The following ZSCAN32 variants were observed in gnomAD, a reference collection of about 807,000 sequenced individuals.
ZSCAN32 encodes zinc finger and SCAN domain-containing protein 32.
Under a neutral mutation model 47.4 loss-of-function variants are expected in ZSCAN32, and 52 were observed. That is an observed-to-expected ratio of 1.10 (90% CI 0.88 to 1.38). The LOEUF (loss-of-function observed/expected upper bound fraction) is 1.38. Among genes scored for constraint, ZSCAN32 ranks in the 40% most tolerant of loss-of-function variants. The probability of loss-of-function intolerance (pLI) is 0.00; values close to 1 mark genes in which losing one functional copy is unlikely to be tolerated. For missense variants in ZSCAN32, 959 were observed against 846.0 expected, an observed-to-expected ratio of 1.13 and a Z score of -1.66; for synonymous variants, 346 against 305.7, an observed-to-expected ratio of 1.13 and a Z score of -1.38.
chr16:3,385,705 A>G (rs1442981588), intron 5 of ZSCAN32, among the ~76,000 whole-genome samples: 8 of 152,218 alleles, frequency 5.3e-5, no homozygotes, highest in Admixed American at 2.6e-4. Flanking sequence ...AGGATTCCCT[A>G]TTTAATAAAT....
intron 5 of ZSCAN32, among the ~76,000 whole-genome samples, chr16:3,388,259 C>T (rs555103025): frequency 3.9e-5 from 6 of 152,334 alleles, no homozygotes; most frequent in Non-Finnish European, 7.3e-5. Flanking sequence ...ATGCCCACCT[C>T]GCTCCAGCCC....
At chr16:3,386,415 A>C (rs1172504738) in intron 5 of ZSCAN32, among the ~76,000 whole-genome samples, 5 of 152,228 alleles carry the variant, frequency 3.3e-5, no homozygotes, top group Admixed American at 1.3e-4. Context: ...CAGAAATACC[A>C]TTTGACCCAG....
At position 3,383,335 on chromosome 16, in the gene ZSCAN32, A is replaced by T; in HGVS notation, c.1611T>A (p.Val537=). 6.2e-7 allele frequency: 1 copy of T among 1,614,154 alleles called. No individual in the cohort carries two copies. The change falls in exon 7 of 7, where the codon GTT becomes GTA. Residue 537 remains valine, a synonymous_variant. Coordinates refer to ENST00000396852, the MANE Select transcript of ZSCAN32 (RefSeq NM_001284527.2). Reference sequence around the variant, plus strand: ...CGCCTGTGTGGATTCTTTGATGCCGAACAAGATAAGAACTTCGGCTAAAGG... The same window carrying T: ...CGCCTGTGTGGATTCTTTGATGCCGTACAAGATAAGAACTTCGGCTAAAGG... ...GKTFSRSSYL[V]RHQRIHTGEK... is the part of the protein sequence containing the mutation.
chr16:3,398,551 G>A (rs2033592224), intron 1 of ZSCAN32, among the ~76,000 whole-genome samples: 1 of 152,094 alleles, frequency 6.6e-6, no homozygotes, highest in Non-Finnish European at 1.5e-5. Flanking sequence ...CTTTATCTAG[G>A]CAGTGGGCAA....
intron 2 of ZSCAN32, among the ~76,000 whole-genome samples, chr16:3,395,008 T>C (rs997895898): frequency 6.6e-5 from 10 of 152,244 alleles, no homozygotes; most frequent in African/African-American, 2.2e-4. Context: ...ACGATCTTTA[T>C]GGTTTACTTT....
Position 3,384,920 on chromosome 16 carries a change from T to C in ZSCAN32, c.773A>G (p.Tyr258Cys), listed in dbSNP as rs767329640. ...VSLATGVPWG[Y>C]EETKTLLAIL... ...AGCCAGGAGCGTCTTGGTCTCTTCA[T>C]AGCCCCAGGGCACACCTGTTGCTGG... The change falls in exon 6 of 7, where the codon TAT becomes TGT. Residue 258 changes from tyrosine to cysteine, a missense_variant. Transcript: ENST00000396852. 6.2e-7 allele frequency: 1 copy of C among 1,613,644 alleles called. No individual in the cohort carries two copies. The highest frequency in any genetic ancestry group is 8.5e-7 in the Non-Finnish European group (1 of 1,179,970).
intron 1 of ZSCAN32, among the ~76,000 whole-genome samples, 157 bp downstream of exon 1, chr16:3,400,788 G>C (rs1567334979): frequency 6.6e-6 from 1 of 152,262 alleles, no homozygotes; most frequent in East Asian, 1.9e-4. Context: ...GGCGCGTCTG[G>C]GGACGCCCGG....
chr16:3,390,743 C>T lies in ZSCAN32; in HGVS notation c.533-226G>A, dbSNP rs550494427. 5.3e-5 allele frequency among the ~76,000 whole-genome samples: 8 copies of T among 152,336 alleles called. No homozygotes were observed. The East Asian group carries it at 1.5e-3, about 29-fold the overall frequency. ...CACCTCCGAATGAGTCTGAGGCAAA[C>T]TCAAGTTTGAGAACCACTGCCAGCG... On this transcript the variant is annotated intron_variant, in intron 3 of 6. Coordinates refer to ENST00000396852, the MANE Select transcript of ZSCAN32 (RefSeq NM_001284527.2).
intron 1 of ZSCAN32, among the ~76,000 whole-genome samples, chr16:3,399,598 T>C (rs139892255): frequency 6.6e-6 from 1 of 152,112 alleles, no homozygotes; most frequent in African/African-American, 2.4e-5. Flanking sequence ...AAATAACTTT[T>C]AAAAATAATT....
In ZSCAN32 at chr16:3,384,804, G is replaced by C. The variant is rs777542438; in HGVS notation, c.889C>G (p.Gln297Glu). 92 of 1,614,054 alleles carry C rather than the reference G, an allele frequency of 5.7e-5. No homozygotes were observed. Among genetic ancestry groups the C allele is most frequent in the Non-Finnish European group, 7.2e-5 (85 of 1,180,030 alleles). The stretch of plus-strand genomic sequence containing the variant: ...TGTTCTGGGGTCCGCAGAAAACCCT[G>C]CTCCCAGAGTCCTTCCGCCATGGCC... The part of the protein sequence containing the change: ...YRAMAEGLWE[Q>E]GFLRTPEQCR... Residue 297 changes from glutamine to glutamate, a missense_variant, in exon 6 of 7, where the codon CAG (glutamine) becomes GAG (glutamate). By Grantham distance (29) the Gln-to-Glu change is conservative (BLOSUM62 2). Transcript: ENST00000396852.
chr16:3,390,533 G>A lies in ZSCAN32; in HGVS notation c.533-16C>T. On this transcript the variant is annotated splice_polypyrimidine_tract_variant and intron_variant, in intron 3 of 6. Coordinates refer to ENST00000396852, the MANE Select transcript of ZSCAN32 (RefSeq NM_001284527.2). Reference sequence around the variant, plus strand: ...GCAAGCCAGGCTGGGGGAAAAAACAGCCGCTATTAGAGGGCGGCTTCCACA... The same window carrying A: ...GCAAGCCAGGCTGGGGGAAAAAACAACCGCTATTAGAGGGCGGCTTCCACA... The A allele has an allele frequency of 6.5e-7, 1 of 1,545,968 alleles. No homozygotes were observed. The highest frequency in any genetic ancestry group is 2.4e-5 in the East Asian group (1 of 40,858).
intron 2 of ZSCAN32, among the ~76,000 whole-genome samples, chr16:3,396,453 T>C (rs554269299): frequency 3.3e-5 from 5 of 152,152 alleles, no homozygotes; most frequent in Admixed American, 1.3e-4. Flanking sequence ...CCATGCAGAC[T>C]CTGGCACCCA....
rs2032547497 is a variant in ZSCAN32, at chr16:3,390,444, C to T, written c.606G>A (p.Val202=). The change falls in exon 4 of 7, where the codon GTG becomes GTA. Residue 202 remains valine (V), a synonymous_variant. Coordinates refer to ENST00000396852, the MANE Select transcript of ZSCAN32 (RefSeq NM_001284527.2). ...TCACCTGGGACCCAGCTGTCCAGAC[C>T]ACAGCACCTGTCTCCTGGTCGTGGA... ...TGLHDQETGA[V]VWTAGSQGPA... is the part of the protein sequence containing the mutation. 3.2e-6 allele frequency: 5 copies of T among 1,550,118 alleles called. No individual in the cohort carries two copies. The highest frequency in any genetic ancestry group is 4.4e-6 in the Non-Finnish European group (5 of 1,146,952).
chr16:3,388,524 C>T (rs2032277928), intron 5 of ZSCAN32, among the ~76,000 whole-genome samples: 1 of 152,196 alleles, frequency 6.6e-6, no homozygotes, highest in South Asian at 2.1e-4. Flanking sequence ...CTGTCTCTTC[C>T]CACAGGGCAG....
At chr16:3,387,027 G>A (rs1436525307) in intron 5 of ZSCAN32, among the ~76,000 whole-genome samples, 2 of 151,700 alleles carry the variant, frequency 1.3e-5, no homozygotes, top group East Asian at 1.9e-4. Context: ...TCTCACTGTG[G>A]CTTTTTGTCT....
At chr16:3,387,511 C>T (rs2032156717) in intron 5 of ZSCAN32, among the ~76,000 whole-genome samples, 1 of 152,270 alleles carries the variant, frequency 6.6e-6, no homozygotes, top group Non-Finnish European at 1.5e-5. Flanking sequence ...CACACACCTG[C>T]TGCCCATCTG....
intron 5 of ZSCAN32, 84 bp downstream of exon 5, chr16:3,389,909 AGTCTCCCCACTCCCTCT>A (rs1232324947): frequency 1.9e-5 from 23 of 1,229,296 alleles, no homozygotes; most frequent in Middle Eastern, 2.0e-4. Context: ...TCCACCCAAC[AGTCTCCCCACTCCCTCT>A]GTCTCCCTCC....
intron 5 of ZSCAN32, among the ~76,000 whole-genome samples, chr16:3,388,899 G>A (rs550916915): frequency 5.0e-4 from 76 of 152,230 alleles, no homozygotes; most frequent in African/African-American, 1.7e-3. Context: ...TTGGAGAGAT[G>A]GAAAGGTTCT....
chr16:3,395,993 T>A (rs27240), intron 2 of ZSCAN32, among the ~76,000 whole-genome samples: 1 of 152,118 alleles, frequency 6.6e-6, no homozygotes, highest in Non-Finnish European at 1.5e-5. Flanking sequence ...CCAAGACCCT[T>A]TCAAAAAATA....
Sources: allele counts gnomAD v4.1 joint callset (sites outside exome capture counted in the v4.1 genomes callset), GRCh38; gene constraint gnomAD v4.1.1; transcripts MANE v1.5; gene names NCBI Gene and HGNC (gene_info 2026-07-23, HGNC 2026-07-21).